SI: variants seen among roughly 807,000 people sequenced by gnomAD.
SI encodes sucrase-isomaltase.
SI carries 235 observed loss-of-function variants against 253.3 expected under a neutral mutation model. The observed-to-expected ratio is 0.93, with a 90% confidence interval of 0.83 to 1.03. The LOEUF (loss-of-function observed/expected upper bound fraction) is 1.03, where lower values mean the gene tolerates loss of function less well. Ranked by LOEUF, SI falls within the 50% of genes least tolerant of loss-of-function variation. The pLI is 0.00. For synonymous variants in SI, 819 were observed against 712.0 expected (o/e 1.15, Z -2.39); for missense variants, 2,442 against 2,211.1 (o/e 1.10, Z -2.09).
intron 44 of SI, among the ~76,000 whole-genome samples, chr3:164,991,052 A>C (rs1717709822): frequency 6.6e-6 from 1 of 152,090 alleles, no homozygotes; most frequent in Non-Finnish European, 1.5e-5. Context: ...GGTTTTCCTA[A>C]ACCTGGGGTT....
chr3:165,069,287 A>T, intron 3 of SI, 92 bp from the exon 4 acceptor site: 1 of 914,724 alleles, frequency 1.1e-6, no homozygotes. Context: ...TTTTAAAATA[A>T]TCTAACTTTT....
upstream of SI, among the ~76,000 whole-genome samples, chr3:165,083,308 T>C (rs66807896): frequency 6.6e-6 from 1 of 151,608 alleles, no homozygotes; most frequent in Admixed American, 6.6e-5. Context: ...GATTTCATGC[T>C]TGTGACTTCC....
intron 3 of SI, among the ~76,000 whole-genome samples, chr3:165,072,637 C>T (rs1714661381): frequency 6.6e-6 from 1 of 151,870 alleles, no homozygotes. Flanking sequence ...TTATGACATG[C>T]TAGTTAAAGA....
chr3:164,989,345 G>C (rs1200894678), intron 44 of SI, among the ~76,000 whole-genome samples: 1 of 124,516 alleles, frequency 8.0e-6, no homozygotes, highest in Non-Finnish European at 1.7e-5. Flanking sequence ...TCAAAAAAAA[G>C]AGAGAAAGAA....
Position 164,998,398 on chromosome 3 carries a change from CTT to C in SI, c.4540+140_4540+141del, listed in dbSNP as rs1391776223. 13 of 826,926 alleles carry C rather than the reference CTT, an allele frequency of 1.6e-5. No individual in the cohort carries two copies. In the East Asian group the frequency reaches 2.9e-4, roughly 18 times the overall value. The allele number at this position is 826,926 out of a possible 1,614,324, so 51.2% of individuals were successfully genotyped here. A position where few individuals can be genotyped will look rare whatever the true frequency, so the allele number is the denominator to read the frequency against. Reference sequence around the variant, plus strand: ...TCAATCCAGCTTCCTGGCCCACTGTCTTTTTCTGATGCTATATGACATAAAGT... The same window carrying C: ...TCAATCCAGCTTCCTGGCCCACTGTCTTTCTGATGCTATATGACATAAAGT... On this transcript the variant is annotated intron_variant, in intron 38 of 47. Transcript: ENST00000264382.
chr3:165,018,115 T>C (rs1719131241), intron 28 of SI, 49 bp from the exon 29 acceptor site: 1 of 1,041,212 alleles, frequency 9.6e-7, no homozygotes, highest in Non-Finnish European at 1.5e-6. Context: ...CAATAGCATG[T>C]GAATTTAATC....
chr3:165,084,505 T>C, the SI span, among the ~76,000 whole-genome samples: 2 of 151,914 alleles, frequency 1.3e-5, no homozygotes, highest in Non-Finnish European at 2.9e-5. Flanking sequence ...TATGTAAAAA[T>C]TTTTTTCTGT....
intron 1 of SI, 98 bp from the exon 2 acceptor site, chr3:165,076,110 T>C (rs1352256854): frequency 1.1e-6 from 1 of 915,520 alleles, no homozygotes; most frequent in Non-Finnish European, 1.6e-6. Flanking sequence ...TTTTTTACTA[T>C]GTATAATGCA....
chr3:165,041,186 A>C, intron 17 of SI, 92 bp from the exon 18 acceptor site: 1 of 1,113,790 alleles, frequency 9.0e-7, no homozygotes, highest in Non-Finnish European at 1.4e-6. Context: ...TAAAGCAACT[A>C]CATAAATTTC....
At chr3:165,028,008 CTGA>C (rs1712019123) in intron 25 of SI, among the ~76,000 whole-genome samples, 1 of 151,362 alleles carries the variant, frequency 6.6e-6, no homozygotes, top group Admixed American at 6.6e-5. Flanking sequence ...TCGCTCTTTG[CTGA>C]TGATATGATT....
In SI at chr3:165,070,097, T is replaced by G. The variant is rs1714459739; in HGVS notation, c.256-902A>C. ...TATATATAGTATATGTACTATATAT[T>G]TATATATTTTATATAATATTTAAAT... On this transcript the variant is annotated intron_variant, in intron 3 of 47. Transcript: ENST00000264382. 6.1e-5 allele frequency among the ~76,000 whole-genome samples: 9 copies of G among 146,686 alleles called. No homozygotes were observed. The Admixed American group carries it at 6.2e-4, about 10-fold the overall frequency.
rs553819900 is a variant in SI, at chr3:165,036,411, G to A, written c.2493C>T (p.Phe831=). The A allele has an allele frequency of 6.2e-7, 1 of 1,610,752 alleles. No individual in the cohort carries two copies. Among genetic ancestry groups the A allele is most frequent in the East Asian group, 2.2e-5 (1 of 44,634 alleles). Residue 831 remains phenylalanine (F), a synonymous_variant, in exon 22 of 48, where the codon TTC becomes TTT. Transcript: ENST00000264382. ...TACCTTTAGTTTCTCCATCATCCCA[G>A]AAAAAGTCTCCTTTGGCTGTGTTGT... ...GENNTAKGDF[F]WDDGETKDTI... is the part of the protein sequence containing the mutation.
chr3:165,032,519 T>G lies in SI; in HGVS notation c.2736+3A>C. Reference sequence around the variant, plus strand: ...CTAAAATATTTTAAAAGATTGTAATTACCTGGTTAGAAGCATCATAAGTGA... The same window carrying G: ...CTAAAATATTTTAAAAGATTGTAATGACCTGGTTAGAAGCATCATAAGTGA... On this transcript the variant is annotated splice_donor_region_variant and intron_variant, in intron 24 of 47. Coordinates refer to ENST00000264382, the MANE Select transcript of SI (RefSeq NM_001041.4). The G allele has an allele frequency of 6.3e-7, 1 of 1,585,458 alleles. No individual in the cohort carries two copies. Among genetic ancestry groups the G allele is most frequent in the Non-Finnish European group, 8.6e-7 (1 of 1,156,434 alleles).
chr3:165,070,176 ATATT>A (rs1022123845), intron 3 of SI, among the ~76,000 whole-genome samples: 47 of 89,106 alleles, frequency 5.3e-4, no homozygotes, highest in Non-Finnish European at 8.5e-4. Context: ...ATATTTTGAT[ATATT>A]TATTTATATA....
rs753923460 is a variant in SI at position 165,075,891 on chromosome 3, T to G, written c.118+4A>C. 3 of 1,482,488 alleles carry G rather than the reference T, an allele frequency of 2.0e-6. No homozygotes were observed. Among genetic ancestry groups the G allele is most frequent in the African/African-American group, 1.4e-5 (1 of 72,558 alleles). The allele number at this position is 1,482,488 out of a possible 1,614,324, so 91.8% of individuals were successfully genotyped here. Reference sequence around the variant, plus strand: ...TGTAGCCATGCTTTTAATGTACTACTTACCATCAACAGCAGGTGTCTTAGT... The same window carrying G: ...TGTAGCCATGCTTTTAATGTACTACGTACCATCAACAGCAGGTGTCTTAGT... On this transcript the variant is annotated splice_donor_region_variant and intron_variant, in intron 2 of 47. Coordinates refer to ENST00000264382, the MANE Select transcript of SI (RefSeq NM_001041.4).
In SI at chr3:165,077,946, A is replaced by G. The variant is rs549444292; in HGVS notation, c.-1+487T>C. Among the ~76,000 whole-genome samples, 15 of 151,618 alleles carry G rather than the reference A, an allele frequency of 9.9e-5. No individual in the cohort carries two copies. The South Asian group carries it at 2.5e-3, about 25-fold the overall frequency. ...CTCTTCTTGGAAAATATATATTGAT[A>G]CCCTTTCTCTGCATATTTATTATGA... is the stretch of plus-strand genomic sequence containing the variant. On this transcript the variant is annotated intron_variant, in intron 1 of 47. Coordinates refer to ENST00000264382, the MANE Select transcript of SI (RefSeq NM_001041.4).
At chr3:164,980,959 A>C (rs1707426923) in intron 47 of SI, among the ~76,000 whole-genome samples, 1 of 151,936 alleles carries the variant, frequency 6.6e-6, no homozygotes, top group Non-Finnish European at 1.5e-5. Flanking sequence ...GTGATTTCTA[A>C]TTGTGATTGA....
chr3:165,015,656 A>G (rs1480428700), intron 32 of SI, among the ~76,000 whole-genome samples: 1 of 152,084 alleles, frequency 6.6e-6, no homozygotes, highest in Non-Finnish European at 1.5e-5. Flanking sequence ...ATCTACCATT[A>G]CATTTTGATA....
intron 47 of SI, 116 bp downstream of exon 47, chr3:164,982,127 T>A: frequency 2.7e-6 from 2 of 741,840 alleles, no homozygotes; most frequent in Non-Finnish European, 4.5e-6. Flanking sequence ...AAGGAATATA[T>A]GAAGAATGTC....
Sources: allele counts gnomAD v4.1 joint callset (sites outside exome capture counted in the v4.1 genomes callset), GRCh38; gene constraint gnomAD v4.1.1; transcripts MANE v1.5; gene names NCBI Gene and HGNC (gene_info 2026-07-23, HGNC 2026-07-21).